The following ALPK2 variants were observed in gnomAD, a reference collection of about 807,000 sequenced individuals.
ALPK2 encodes the protein alpha-protein kinase 2.
In ALPK2, 127 loss-of-function variants were observed where a neutral mutation model predicts 163.1. That is an observed-to-expected ratio of 0.78 (90% CI 0.67 to 0.90). The LOEUF is 0.90. ALPK2 is among the 40% of genes least tolerant of loss of function. The probability of loss-of-function intolerance (pLI) is 0.00; values close to 1 mark genes in which losing one functional copy is unlikely to be tolerated. For synonymous variants in ALPK2, 953 were observed against 959.1 expected (o/e 0.99, Z 0.12); for missense variants, 2,360 against 2,589.6 (o/e 0.91, Z 1.92).
intron 3 of ALPK2, among the ~76,000 whole-genome samples, chr18:58,593,116 TG>T (rs2052022940): frequency 6.6e-6 from 1 of 152,192 alleles, no homozygotes; most frequent in South Asian, 2.1e-4. Flanking sequence ...TGAACCCTCA[TG>T]TAAACTATGG....
At chr18:58,589,346 C>A (rs922403324) in intron 3 of ALPK2, among the ~76,000 whole-genome samples, 2 of 152,144 alleles carry the variant, frequency 1.3e-5, no homozygotes, top group Non-Finnish European at 1.5e-5. Flanking sequence ...GAGGCCGGTT[C>A]CATCAATTCT....
chr18:58,580,613 C>T (rs2144200239), intron 3 of ALPK2, 65 bp from the exon 4 acceptor site: 1 of 1,308,668 alleles, frequency 7.6e-7, no homozygotes, highest in East Asian at 2.3e-5. Context: ...CATTTTCACA[C>T]CATGGCACAC....
intron 12 of ALPK2, among the ~76,000 whole-genome samples, chr18:58,493,784 A>G (rs2051387180): frequency 6.6e-6 from 1 of 152,162 alleles, no homozygotes; most frequent in African/African-American, 2.4e-5. Context: ...CCGAGGGTAG[A>G]AAGATGCAAG....
rs539463698 is a variant in ALPK2, at chr18:58,515,342, C to T, written c.5941-261G>A. 5.9e-5 allele frequency among the ~76,000 whole-genome samples: 9 copies of T among 152,310 alleles called. No homozygotes were observed. In the East Asian group the frequency reaches 1.5e-3, roughly 26 times the overall value. ...GGTGTCCCTGAACTATAAAATTTCT[C>T]GAGCCGGCAGGGCCGAAATTCACCC... On this transcript the variant is annotated intron_variant, in intron 9 of 12. Transcript: ENST00000361673.
chr18:58,557,655 T>C (rs1568084871), intron 4 of ALPK2, among the ~76,000 whole-genome samples: 1 of 134,288 alleles, frequency 7.4e-6, no homozygotes, highest in Non-Finnish European at 1.6e-5. Flanking sequence ...TGTATATATA[T>C]ACACATATAT....
chr18:58,530,510 G>T (rs543067633), intron 5 of ALPK2, among the ~76,000 whole-genome samples: 73 of 152,308 alleles, frequency 4.8e-4, no homozygotes, highest in Non-Finnish European at 7.4e-4. Flanking sequence ...CTCCTCATCT[G>T]GGCCATTTCC....
At chr18:58,591,258 A>G (rs2052013504) in intron 3 of ALPK2, among the ~76,000 whole-genome samples, 2 of 152,262 alleles carry the variant, frequency 1.3e-5, no homozygotes, top group South Asian at 4.1e-4. Flanking sequence ...AGATACAGGA[A>G]TTGGAACTAT....
At position 58,536,369 on chromosome 18, in the gene ALPK2, C is replaced by T. The variant is rs774318717; in HGVS notation, c.3818G>A (p.Trp1273Ter). 2.5e-6 allele frequency: 4 copies of T among 1,614,200 alleles called. No homozygotes were observed. The highest frequency in any genetic ancestry group is 3.4e-6 in the Non-Finnish European group (4 of 1,180,018). The change falls in exon 5 of 13, where the codon TGG becomes TAG. Residue 1273 changes from tryptophan (W) to a stop codon, truncating the protein, a stop_gained. Coordinates refer to ENST00000361673, the MANE Select transcript of ALPK2 (RefSeq NM_052947.4). LOFTEE classifies it high-confidence loss of function. ...DGGLIIPDKVWAVPDSLKADA... is the reference protein window; with the variant it reads ...DGGLIIPDKV ...TGCCTTTAGACTATCAGGTACAGCC[C>T]AGACCTTGTCAGGAATTATGAGACC...
intron 4 of ALPK2, 80 bp downstream of exon 4, chr18:58,578,734 A>ACACACACGCGCGCGCGCGCG: frequency 2.5e-6 from 1 of 396,572 alleles, no homozygotes; most frequent in Admixed American, 5.7e-5. Context: ...AAAGGAAGAG[A>ACACACACGCGCGCGCGCGCG]CACACACACA....
intron 4 of ALPK2, among the ~76,000 whole-genome samples, chr18:58,567,207 G>A (rs989113509): frequency 2.7e-5 from 4 of 148,340 alleles, no homozygotes; most frequent in Non-Finnish European, 6.0e-5. Flanking sequence ...CCAACATGAC[G>A]AAACCCTGTC....
At position 58,497,951 on chromosome 18, in the gene ALPK2, A is replaced by G. The variant is rs571254958; in HGVS notation, c.6296+98T>C. On this transcript the variant is annotated intron_variant, in intron 12 of 12. Transcript: ENST00000361673. ...ACATTCGTCATCCACAGTTAGGACAAGAAATTCACTTTGCCCACCTCAGCC... is the reference window on the plus strand; with the variant it reads ...ACATTCGTCATCCACAGTTAGGACAGGAAATTCACTTTGCCCACCTCAGCC... 5.6e-5 allele frequency: 60 copies of G among 1,066,346 alleles called. No homozygotes were observed. The East Asian group carries it at 1.4e-3, about 26-fold the overall frequency. The allele number at this position is 1,066,346 out of a possible 1,614,324, so 66.1% of individuals were successfully genotyped here.
In ALPK2 at chr18:58,481,871, C is replaced by T. The variant is rs1349600514; in HGVS notation, c.6465G>A (p.Met2155Ile). The change falls in exon 13 of 13, where the codon ATG (methionine) becomes ATA (isoleucine). Residue 2155 changes from methionine to isoleucine, a missense_variant. Transcript: ENST00000361673. ...IGKSKVQTNS[M>I]TIKKAGPETP... is the part of the protein sequence containing the mutation. ...TCTCAGGCCCTGCCTTCTTTATTGT[C>T]ATAGAGTTTGTTTGAACTTTGCTTT... The T allele has an allele frequency of 1.2e-6, 2 of 1,614,036 alleles. No individual in the cohort carries two copies. The highest frequency in any genetic ancestry group is 4.5e-5 in the East Asian group (2 of 44,886).
At chr18:58,567,548 C>G (rs976508198) in intron 4 of ALPK2, among the ~76,000 whole-genome samples, 1 of 152,088 alleles carries the variant, frequency 6.6e-6, no homozygotes, top group African/African-American at 2.4e-5. Flanking sequence ...CACCTGAACA[C>G]GAGACATCCA....
At chr18:58,611,902 C>T (rs1036184518) in intron 1 of ALPK2, 85 bp from the exon 2 acceptor site, 6 of 854,818 alleles carry the variant, frequency 7.0e-6, no homozygotes, top group Admixed American at 6.0e-5. Context: ...CACAGGGTGC[C>T]GCCCTGGCAG....
At chr18:58,622,051 T>C (rs2052203937) in intron 1 of ALPK2, among the ~76,000 whole-genome samples, 1 of 148,398 alleles carries the variant, frequency 6.7e-6, no homozygotes, top group Admixed American at 6.7e-5. Context: ...CAAGGTTAAA[T>C]AAAACCTGTG....
Position 58,537,196 on chromosome 18 carries a change from C to G in ALPK2, c.2991G>C (p.Glu997Asp). 6.2e-7 allele frequency: 1 copy of G among 1,614,104 alleles called. No individual in the cohort carries two copies. The highest frequency in any genetic ancestry group is 1.3e-5 in the African/African-American group (1 of 75,016). Residue 997 changes from glutamate to aspartate, a missense_variant, in exon 5 of 13, where the codon GAG becomes GAC. Coordinates refer to ENST00000361673, the MANE Select transcript of ALPK2 (RefSeq NM_052947.4). ...EKPTTLTANNECFQATRETED... is the reference protein window; with the variant it reads ...EKPTTLTANNDCFQATRETED... The stretch of plus-strand genomic sequence containing the variant: ...CAGTCTCCCTGGTCGCTTGAAAGCA[C>G]TCATTATTAGCAGTTAATGTTGTTG...
At chr18:58,589,869 G>T (rs1400147385) in intron 3 of ALPK2, among the ~76,000 whole-genome samples, 1 of 152,216 alleles carries the variant, frequency 6.6e-6, no homozygotes, top group Non-Finnish European at 1.5e-5. Flanking sequence ...TCGACCAGGT[G>T]CCCTGAAGAC....
At chr18:58,484,479 A>ACACT (rs1381889662) in intron 12 of ALPK2, among the ~76,000 whole-genome samples, 4 of 152,182 alleles carry the variant, frequency 2.6e-5, no homozygotes, top group Non-Finnish European at 5.9e-5. Context: ...CAGTTTCCTG[A>ACACT]TCTCCAAAGT....
chr18:58,603,764 C>T (rs2052084091), intron 3 of ALPK2, among the ~76,000 whole-genome samples: 1 of 151,690 alleles, frequency 6.6e-6, no homozygotes, highest in Admixed American at 6.6e-5. Context: ...AGGTAGAAAA[C>T]GTCTATTTGC....
Sources: gnomAD v4.1 joint callset for allele counts (sites outside exome capture counted in the v4.1 genomes callset) on GRCh38, gnomAD v4.1.1 for gene constraint, MANE v1.5 for transcripts, NCBI Gene and HGNC (gene_info 2026-07-23, HGNC 2026-07-21) for gene names.